SLC9A8: variants seen among roughly 807,000 people sequenced by gnomAD.
The protein encoded by SLC9A8 is sodium/hydrogen exchanger 8.
Under a neutral mutation model 66.6 loss-of-function variants are expected in SLC9A8, and 48 were observed. That is an observed-to-expected ratio of 0.72 (90% CI 0.57 to 0.92). The LOEUF (loss-of-function observed/expected upper bound fraction) is 0.92, where lower values mean the gene tolerates loss of function less well. Among genes scored for constraint, SLC9A8 ranks in the 40% least tolerant of loss-of-function variants. The probability of loss-of-function intolerance (pLI) is 0.00; values close to 1 mark genes in which losing one functional copy is unlikely to be tolerated. For missense variants in SLC9A8, 599 were observed against 747.3 expected (o/e 0.80, Z 2.31); for synonymous variants, 274 against 282.6 (o/e 0.97, Z 0.31).
At chr20:49,850,907 C>A in intron 7 of SLC9A8, 63 bp downstream of exon 7, 1 of 1,272,674 alleles carries the variant, frequency 7.9e-7, no homozygotes, top group Non-Finnish European at 1.1e-6. Flanking sequence ...TGTTTCTCCA[C>A]ATTGCTTCCT....
At chr20:49,834,185 C>CTATATATATA (rs377091649) in intron 3 of SLC9A8, among the ~76,000 whole-genome samples, 25 of 34,530 alleles carry the variant, frequency 7.2e-4, no homozygotes, top group Non-Finnish European at 1.1e-3. Context: ...CTCTCTCTCT[C>CTATATATATA]TATATATATA....
intron 8 of SLC9A8, among the ~76,000 whole-genome samples, chr20:49,856,651 GTC>G (rs2088497203): frequency 6.6e-6 from 1 of 151,894 alleles, no homozygotes; most frequent in Non-Finnish European, 1.5e-5. Flanking sequence ...GTGAAACCCT[GTC>G]TCTACTGAAA....
At chr20:49,852,843 GTTTGT>G (rs948287269) in intron 7 of SLC9A8, among the ~76,000 whole-genome samples, 3 of 150,292 alleles carry the variant, frequency 2.0e-5, no homozygotes, top group African/African-American at 7.6e-5. Context: ...CCAGCCTTTT[GTTTGT>G]TTTGTTTTTT....
chr20:49,827,935 T>C (rs770089690), intron 3 of SLC9A8, among the ~76,000 whole-genome samples: 6 of 152,138 alleles, frequency 3.9e-5, no homozygotes, highest in African/African-American at 1.4e-4. Flanking sequence ...ATTCTATTCC[T>C]TCTTGTTTTC....
At chr20:49,876,577 T>C (rs896790912) in intron 11 of SLC9A8, among the ~76,000 whole-genome samples, 1 of 152,114 alleles carries the variant, frequency 6.6e-6, no homozygotes, top group Non-Finnish European at 1.5e-5. Context: ...ATTAGAAAAA[T>C]TGTCGAATTT....
At chr20:49,820,839 C>T (rs1249983752) in intron 2 of SLC9A8, among the ~76,000 whole-genome samples, 1 of 152,136 alleles carries the variant, frequency 6.6e-6, no homozygotes, top group Non-Finnish European at 1.5e-5. Context: ...GCCACCGCAC[C>T]AGGCCCTCAC....
At chr20:49,872,720 C>T (rs1234728245) in intron 10 of SLC9A8, among the ~76,000 whole-genome samples, 5 of 152,032 alleles carry the variant, frequency 3.3e-5, no homozygotes, top group Non-Finnish European at 7.4e-5. Context: ...TTCCTGACCT[C>T]GTGATTCACC....
chr20:49,865,071 T>C (rs2088904613), intron 10 of SLC9A8, among the ~76,000 whole-genome samples: 1 of 152,248 alleles, frequency 6.6e-6, no homozygotes, highest in Admixed American at 6.5e-5. Context: ...CATTTTCTCT[T>C]AACCCGCCTT....
chr20:49,857,207 A>G (rs2088532485), intron 8 of SLC9A8, among the ~76,000 whole-genome samples: 1 of 152,260 alleles, frequency 6.6e-6, no homozygotes, highest in Non-Finnish European at 1.5e-5. Flanking sequence ...TAATGTATCA[A>G]AAATGAGCTA....
At chr20:49,872,999 G>A (rs1213362845) in intron 10 of SLC9A8, among the ~76,000 whole-genome samples, 2 of 152,172 alleles carry the variant, frequency 1.3e-5, no homozygotes, top group East Asian at 1.9e-4. Context: ...GAAGAGACCT[G>A]TGAGTTCCTC....
chr20:49,891,961 T>A lies in SLC9A8; in HGVS notation c.*4025T>A, dbSNP rs1025909699. 2.6e-5 allele frequency: 4 copies of A among 152,210 alleles called. No individual in the cohort carries two copies. Among genetic ancestry groups the A allele is most frequent in the African/African-American group, 9.7e-5 (4 of 41,442 alleles). The allele number at this position is 152,210 out of a possible 1,614,324, so 9.4% of individuals were successfully genotyped here. A position where few individuals can be genotyped will look rare whatever the true frequency, so the allele number is the denominator to read the frequency against. On this transcript the variant is annotated 3_prime_UTR_variant, in exon 16 of 16. Transcript: ENST00000361573. ...AAATGACGAGTGCTGGGTTTTTGTT[T>A]TAAGAAGCATTATGAAGGCCAGACT...
At chr20:49,850,881 T>C (rs1287777424) in intron 7 of SLC9A8, 37 bp downstream of exon 7, 6 of 1,493,234 alleles carry the variant, frequency 4.0e-6, no homozygotes, top group Admixed American at 1.8e-5. Flanking sequence ...TGCGACTGCT[T>C]TTCAGACAGG....
chr20:49,862,743 C>G lies in SLC9A8; in HGVS notation c.714-186C>G, dbSNP rs1248225746. ...AAGGGCAGCAGCTTTGCTCTCATCTCTGAACCCCAGAAAATAACAGTACCT... is the reference window on the plus strand; with the variant it reads ...AAGGGCAGCAGCTTTGCTCTCATCTGTGAACCCCAGAAAATAACAGTACCT... On this transcript the variant is annotated intron_variant, in intron 8 of 15. Transcript: ENST00000361573. Among the ~76,000 whole-genome samples the G allele has an allele frequency of 2.0e-5, 3 of 152,180 alleles. No individual in the cohort carries two copies. The East Asian group carries it at 5.8e-4, about 29-fold the overall frequency.
chr20:49,831,464 T>A (rs2146513508), intron 3 of SLC9A8, among the ~76,000 whole-genome samples: 2 of 151,974 alleles, frequency 1.3e-5, no homozygotes, highest in South Asian at 4.2e-4. Context: ...GGATAGAAAC[T>A]GCCCAGAAAC....
intron 14 of SLC9A8, among the ~76,000 whole-genome samples, chr20:49,884,336 A>ACACACACACACACACACC (rs1568884621): frequency 4.6e-5 from 5 of 108,472 alleles, no homozygotes; most frequent in Admixed American, 9.7e-5. Flanking sequence ...ACACACACAC[A>ACACACACACACACACACC]CCCCCCGGTC....
In SLC9A8 at chr20:49,886,680, T is replaced by C. The variant is rs549010460; in HGVS notation, c.1492-72T>C. ...GGGGACACTGGCGGCCTGGGTGGTGTGGGGGCTTCCAGGAGGTGCCCCCCG... is the reference window on the plus strand; with the variant it reads ...GGGGACACTGGCGGCCTGGGTGGTGCGGGGGCTTCCAGGAGGTGCCCCCCG... On this transcript the variant is annotated intron_variant, in intron 14 of 15. Coordinates refer to ENST00000361573, the MANE Select transcript of SLC9A8 (RefSeq NM_015266.3). The surrounding 1 kb of genome is among the most constrained non-coding windows in gnomAD (Gnocchi z 4.8). 2.6e-6 allele frequency: 4 copies of C among 1,551,538 alleles called. No individual in the cohort carries two copies. The highest frequency in any genetic ancestry group is 4.5e-5 in the East Asian group (2 of 44,122).
chr20:49,828,532 T>TTTTTAATTAAAAAAAAAA (rs1465093570), intron 3 of SLC9A8, among the ~76,000 whole-genome samples: 9 of 150,010 alleles, frequency 6.0e-5, no homozygotes, highest in Non-Finnish European at 1.0e-4. Context: ...CAAAAAATTG[T>TTTTTAATTAAAAAAAAAA]TTTTAATTAA....
Position 49,864,854 on chromosome 20 carries a change from A to G in SLC9A8, c.958+10A>G. The stretch of plus-strand genomic sequence containing the variant: ...GGAATCTCACTCTCAGGTAAGTGAC[A>G]GAGAGCCTGAAAGTGCTGTGGTGAT... On this transcript the variant is annotated intron_variant, in intron 10 of 15. Transcript: ENST00000361573. The G allele has an allele frequency of 3.2e-6, 5 of 1,556,238 alleles. No homozygotes were observed. The highest frequency in any genetic ancestry group is 4.4e-6 in the Non-Finnish European group (5 of 1,127,064).
rs188618380 is a variant in SLC9A8, at chr20:49,827,461, A to G, written c.289+4320A>G. Among the ~76,000 whole-genome samples, 269 of 151,728 alleles carry G rather than the reference A, an allele frequency of 1.8e-3. 10 individuals carry two copies. The highest frequency in any genetic ancestry group is 0.017 in the Admixed American group (266 of 15,234). ...CTACTAAAAATAACAAAAATTAGTCAGGCATGGTGGTGCACGCCTATAGTC... is the reference window on the plus strand; with the variant it reads ...CTACTAAAAATAACAAAAATTAGTCGGGCATGGTGGTGCACGCCTATAGTC... On this transcript the variant is annotated intron_variant, in intron 3 of 15. Transcript: ENST00000361573.
Sources: gnomAD v4.1 joint callset for allele counts (sites outside exome capture counted in the v4.1 genomes callset) on GRCh38, gnomAD v4.1.1 for gene constraint, Gnocchi (gnomAD v3.1) non-coding constraint, MANE v1.5 for transcripts, NCBI Gene and HGNC (gene_info 2026-07-23, HGNC 2026-07-21) for gene names.